The following EPS15L1 variants were observed in gnomAD, a reference collection of about 807,000 sequenced individuals.
The protein encoded by EPS15L1 is epidermal growth factor receptor substrate 15-like 1.
In EPS15L1, 43 loss-of-function variants were observed where a neutral mutation model predicts 117.1. The observed-to-expected ratio is 0.37, with a 90% confidence interval of 0.29 to 0.47. EPS15L1 has a LOEUF of 0.47. Among genes scored for constraint, EPS15L1 ranks in the 20% least tolerant of loss-of-function variants. The probability of loss-of-function intolerance (pLI) is 0.99; values close to 1 mark genes in which losing one functional copy is unlikely to be tolerated. For synonymous variants in EPS15L1, 459 were observed against 470.5 expected, an observed-to-expected ratio of 0.98 and a Z score of 0.32; for missense variants, 981 against 1,164.0, an observed-to-expected ratio of 0.84 and a Z score of 2.29.
At chr19:16,360,360 T>C (rs568820247) in intron 23 of EPS15L1, among the ~76,000 whole-genome samples, 2 of 152,316 alleles carry the variant, frequency 1.3e-5, no homozygotes, top group South Asian at 4.1e-4. Context: ...CCATTTTGTA[T>C]AGACCCCCAG....
chr19:16,368,455 A>G (rs2092170810), intron 22 of EPS15L1, among the ~76,000 whole-genome samples: 1 of 152,150 alleles, frequency 6.6e-6, no homozygotes, highest in African/African-American at 2.4e-5. Flanking sequence ...GAGGATGCCC[A>G]CACAATTGTC....
rs2144843271 is a variant in EPS15L1, at chr19:16,404,828, A to G, written c.1267-79T>C. 1.3e-6 allele frequency: 2 copies of G among 1,523,650 alleles called. No homozygotes were observed. Among genetic ancestry groups the G allele is most frequent in the South Asian group, 2.4e-5 (2 of 83,814 alleles). The allele number at this position is 1,523,650 out of a possible 1,614,324, so 94.4% of individuals were successfully genotyped here. A position where few individuals can be genotyped will look rare whatever the true frequency, so the allele number is the denominator to read the frequency against. On this transcript the variant is annotated intron_variant, in intron 13 of 23. Transcript: ENST00000455140. The surrounding 1 kb of genome is among the most constrained non-coding windows in gnomAD (Gnocchi z 4.2). ...AAGATAACGGGGGGCAGCCTGGGCC[A>G]GAAGTCCAGGGGAAGCCTCCGAAAC... is the stretch of plus-strand genomic sequence containing the variant.
chr19:16,421,169 T>G (rs1167338441), intron 10 of EPS15L1, 150 bp downstream of exon 10: 2 of 859,112 alleles, frequency 2.3e-6, no homozygotes, highest in Admixed American at 5.9e-5. Context: ...TTGCTCAGCC[T>G]CTGTCAGGCC....
At chr19:16,431,562 A>G (rs530402391) in intron 7 of EPS15L1, among the ~76,000 whole-genome samples, 8 of 152,252 alleles carry the variant, frequency 5.3e-5, no homozygotes, top group East Asian at 3.9e-4. Flanking sequence ...TCGGCCTCCC[A>G]AAGTGCTGGG....
Position 16,362,002 on chromosome 19 carries a change from A to C in EPS15L1, c.2381-18T>G, listed in dbSNP as rs1300279071. The stretch of plus-strand genomic sequence containing the variant: ...ACTTTTACCTGGAAAGTTTAGGAGA[A>C]AAAAAAAAGGAGAAAGAAAGAAATA... On this transcript the variant is annotated intron_variant, in intron 22 of 23. Transcript: ENST00000455140. 7.1e-6 allele frequency: 11 copies of C among 1,559,774 alleles called. No homozygotes were observed. The highest frequency in any genetic ancestry group is 8.7e-6 in the Non-Finnish European group (10 of 1,154,960).
At chr19:16,408,079 G>A (rs529150619) in intron 13 of EPS15L1, among the ~76,000 whole-genome samples, 44 of 152,312 alleles carry the variant, frequency 2.9e-4, no homozygotes, top group South Asian at 1.0e-3. Context: ...TGGGAAGAGC[G>A]TTAGGCCGGA....
chr19:16,437,490 C>CAAG (rs1451309752), intron 5 of EPS15L1, among the ~76,000 whole-genome samples: 2 of 152,056 alleles, frequency 1.3e-5, no homozygotes, highest in African/African-American at 4.8e-5. Flanking sequence ...GAGGGGGAGA[C>CAAG]AAGGAGTGAT....
chr19:16,440,189 T>C (rs1002866077), intron 4 of EPS15L1, among the ~76,000 whole-genome samples: 7 of 152,074 alleles, frequency 4.6e-5, no homozygotes, highest in African/African-American at 9.7e-5. Flanking sequence ...TCCCAGCAGT[T>C]TGGGAGGCCG....
chr19:16,453,844 A>G (rs1479049192), intron 1 of EPS15L1, among the ~76,000 whole-genome samples: 2 of 151,992 alleles, frequency 1.3e-5, no homozygotes, highest in Non-Finnish European at 2.9e-5. Flanking sequence ...CTGTATCTAC[A>G]ATAAAAAAAG....
At chr19:16,395,232 C>T in intron 17 of EPS15L1, 112 bp downstream of exon 17, 1 of 1,078,502 alleles carries the variant, frequency 9.3e-7, no homozygotes, top group South Asian at 1.8e-5. Flanking sequence ...CATTCCTTTC[C>T]CCCTCCATTT....
In EPS15L1 at chr19:16,403,758, T is replaced by C. The variant is rs149545861; in HGVS notation, c.1601A>G (p.Lys534Arg). ...CTGGTTGATTTCGTCTTGCGTTGAC[T>C]TCAGGGACTTGATGATGGTTTCCAG... ...VQLETIIKSLKSTQDEINQAR... is the reference protein window; with the variant it reads ...VQLETIIKSLRSTQDEINQAR... Residue 534 changes from lysine (K) to arginine (R), a missense_variant, in exon 15 of 24, where the codon AAG (lysine) becomes AGG (arginine). This residue lies in a region of EPS15L1 where 819 missense variants were observed against 949.0 expected (regional missense o/e 0.86). Transcript: ENST00000455140. 109 of 1,613,484 alleles carry C rather than the reference T, an allele frequency of 6.8e-5. No homozygotes were observed. Among genetic ancestry groups the C allele is most frequent in the South Asian group, 4.7e-4 (43 of 91,072 alleles).
At chr19:16,384,476 A>G (rs3786586) in intron 21 of EPS15L1, among the ~76,000 whole-genome samples, 20,823 of 151,990 alleles carry the variant, frequency 0.14, 1,484 homozygotes, top group Non-Finnish European at 0.15. Context: ...TCCCTGTTGA[A>G]TTCTCTATGC....
At chr19:16,470,591 G>T (rs148680953) in intron 1 of EPS15L1, among the ~76,000 whole-genome samples, 16 of 147,816 alleles carry the variant, frequency 1.1e-4, no homozygotes, top group Non-Finnish European at 1.8e-4. Context: ...AGTTTACAGA[G>T]CACTTTCATG....
At chr19:16,373,598 C>A (rs969041403) in intron 22 of EPS15L1, among the ~76,000 whole-genome samples, 1 of 152,134 alleles carries the variant, frequency 6.6e-6, no homozygotes, top group African/African-American at 2.4e-5. Context: ...CGACTTCACC[C>A]GACACTCATC....
At chr19:16,453,638 G>A (rs1416226282) in intron 1 of EPS15L1, among the ~76,000 whole-genome samples, 1 of 151,998 alleles carries the variant, frequency 6.6e-6, no homozygotes, top group African/African-American at 2.4e-5. Flanking sequence ...GCGTGAACCC[G>A]GGAGGCGGAT....
chr19:16,402,155 T>C (rs560829867), intron 16 of EPS15L1, 166 bp downstream of exon 16: 1 of 1,396,742 alleles, frequency 7.2e-7, no homozygotes, highest in South Asian at 1.7e-5. Context: ...TGTGCCAGGC[T>C]GCAAGGCCTG....
chr19:16,363,350 T>C (rs563522369), intron 22 of EPS15L1, among the ~76,000 whole-genome samples: 1 of 152,208 alleles, frequency 6.6e-6, no homozygotes, highest in East Asian at 1.9e-4. Flanking sequence ...GATCTCTGGC[T>C]GCACCTCCAG....
chr19:16,364,627 C>T (rs1404676772), intron 22 of EPS15L1, among the ~76,000 whole-genome samples: 1 of 152,234 alleles, frequency 6.6e-6, no homozygotes, highest in Non-Finnish European at 1.5e-5. Flanking sequence ...CAATGGTAAG[C>T]CAAGGCCTCG....
intron 4 of EPS15L1, among the ~76,000 whole-genome samples, chr19:16,438,338 A>C (rs779057844): frequency 6.6e-6 from 1 of 152,042 alleles, no homozygotes; most frequent in Non-Finnish European, 1.5e-5. Flanking sequence ...GGGCAAAAAG[A>C]GCAAAACTCC....
Sources: gnomAD v4.1 joint callset for allele counts (sites outside exome capture counted in the v4.1 genomes callset) on GRCh38, gnomAD v4.1.1 for gene constraint, gnomAD v4.1.1 regional missense constraint, Gnocchi (gnomAD v3.1) non-coding constraint, MANE v1.5 for transcripts, NCBI Gene and HGNC (gene_info 2026-07-23, HGNC 2026-07-21) for gene names.